Variants in CACNA1A observed in about 807,000 individuals in gnomAD.
CACNA1A encodes voltage-dependent P/Q-type calcium channel subunit alpha-1A.
In CACNA1A, 57 loss-of-function variants were observed where a neutral mutation model predicts 262.4. The ratio of observed to expected loss-of-function variants is 0.22; its 90% CI spans 0.18 to 0.27. The LOEUF is 0.27. CACNA1A is among the 10% of genes least tolerant of loss of function. CACNA1A has a pLI of 1.00. For synonymous variants in CACNA1A, 1,431 were observed against 1,419.3 expected (o/e 1.01, Z -0.18); for missense variants, 2,526 against 3,562.8 (o/e 0.71, Z 7.41).
Position 13,257,477 on chromosome 19 carries a change from A to G in CACNA1A, c.4463T>C (p.Ile1488Thr). 6.2e-7 allele frequency: 1 copy of G among 1,613,256 alleles called. No homozygotes were observed. The highest frequency in any genetic ancestry group is 8.5e-7 in the Non-Finnish European group (1 of 1,179,488). ...PSPGYRMEMSIFYVVYFVVFP... is the reference protein window; with the variant it reads ...PSPGYRMEMSTFYVVYFVVFP... Reference sequence around the variant, plus strand: ...CACCACAAAGTAGACGACGTAGAAAATGGACATCTCCATGCGGTACCCGGG... The same window carrying G: ...CACCACAAAGTAGACGACGTAGAAAGTGGACATCTCCATGCGGTACCCGGG... Residue 1488 changes from isoleucine to threonine, a missense_variant, in exon 28 of 47, where the codon ATT (isoleucine) becomes ACT (threonine). Ile to Thr is a moderately conservative substitution (Grantham distance 89). Around this residue, in one of 17 missense-constraint regions of CACNA1A, gnomAD observed 137 missense variants for 377.7 expected, o/e 0.36. Coordinates refer to ENST00000360228, the MANE Select transcript of CACNA1A (RefSeq NM_001127222.2).
At chr19:13,260,042 G>T in intron 26 of CACNA1A, 1 of 222,824 alleles carries the variant, frequency 4.5e-6, no homozygotes, top group Non-Finnish European at 9.1e-6. Flanking sequence ...TTAGGAGGAG[G>T]CAGAGAGACA....
chr19:13,455,136 C>G lies in CACNA1A; in HGVS notation c.370G>C (p.Asp124His). The G allele has an allele frequency of 6.2e-7, 1 of 1,611,888 alleles. No homozygotes were observed. Among genetic ancestry groups the G allele is most frequent in the Non-Finnish European group, 8.5e-7 (1 of 1,178,132 alleles). The change falls in exon 2 of 47, where the codon GAT becomes CAT. Residue 124 changes from aspartate (D) to histidine (H), a missense_variant. Coordinates refer to ENST00000360228, the MANE Select transcript of CACNA1A (RefSeq NM_001127222.2). ...CGTTCAGACATCGGGGTCTTGTCAT[C>G]ATCAGGCAGATGCTGCTCCAGTGCG... is the stretch of plus-strand genomic sequence containing the variant. ...VLALEQHLPD[D>H]DKTPMSERLD... is the part of the protein sequence containing the mutation.
At chr19:13,332,782 C>G in intron 9 of CACNA1A, 87 bp downstream of exon 9, 1 of 807,134 alleles carries the variant, frequency 1.2e-6, no homozygotes, top group Admixed American at 1.9e-5. Flanking sequence ...ATCCTTAGAA[C>G]CAGTCACCTG....
At chr19:13,351,117 T>C (rs1477176176) in intron 6 of CACNA1A, among the ~76,000 whole-genome samples, 1 of 152,218 alleles carries the variant, frequency 6.6e-6, no homozygotes, top group Non-Finnish European at 1.5e-5. Flanking sequence ...GGTATCTATC[T>C]GTTCCTCCGC....
intron 33 of CACNA1A, 40 bp downstream of exon 33, chr19:13,235,169 C>T (rs1600138869): frequency 6.2e-7 from 1 of 1,602,680 alleles, no homozygotes. Context: ...TGGCTGCCCT[C>T]CTTGGGAGGC....
At chr19:13,314,710 A>G (rs2058092568) in intron 11 of CACNA1A, among the ~76,000 whole-genome samples, 1 of 152,218 alleles carries the variant, frequency 6.6e-6, no homozygotes, top group Admixed American at 6.5e-5. Flanking sequence ...TTATAGCAGT[A>G]CAAATGAACT....
intron 22 of CACNA1A, among the ~76,000 whole-genome samples, chr19:13,280,356 A>AC (rs2057261050): frequency 6.7e-6 from 1 of 149,888 alleles, no homozygotes; most frequent in African/African-American, 2.5e-5. Flanking sequence ...AAAAAAAAAA[A>AC]ATTTTTTTTT....
intron 1 of CACNA1A, among the ~76,000 whole-genome samples, chr19:13,456,804 G>A (rs983776227): frequency 5.3e-5 from 8 of 152,216 alleles, no homozygotes; most frequent in Admixed American, 6.5e-5. Context: ...ATGTACATGA[G>A]GGTATTAGTG....
chr19:13,301,550 T>C (rs977191418), intron 17 of CACNA1A, among the ~76,000 whole-genome samples: 7 of 152,192 alleles, frequency 4.6e-5, no homozygotes, highest in African/African-American at 1.7e-4. Context: ...GGTGGTTAGG[T>C]TCAGAGAGGA....
At chr19:13,410,206 G>C (rs892184499) in intron 3 of CACNA1A, among the ~76,000 whole-genome samples, 12 of 151,428 alleles carry the variant, frequency 7.9e-5, no homozygotes, top group African/African-American at 2.4e-4. Flanking sequence ...ATTCCTATCA[G>C]CATAAAATCT....
chr19:13,497,105 G>A (rs1459767032), intron 1 of CACNA1A, among the ~76,000 whole-genome samples: 2 of 151,988 alleles, frequency 1.3e-5, no homozygotes, highest in African/African-American at 2.4e-5. Flanking sequence ...AATTGCCAGT[G>A]TCTAAACCAC....
intron 1 of CACNA1A, among the ~76,000 whole-genome samples, chr19:13,468,285 T>C (rs1053868539): frequency 6.6e-6 from 1 of 152,152 alleles, no homozygotes; most frequent in Non-Finnish European, 1.5e-5. Context: ...TCTTTTTTTC[T>C]AGGTCAGTAA....
chr19:13,447,202 AT>A (rs929819429), intron 3 of CACNA1A, among the ~76,000 whole-genome samples: 1 of 152,222 alleles, frequency 6.6e-6, no homozygotes, highest in Non-Finnish European at 1.5e-5. Flanking sequence ...AGAAAAAAAA[AT>A]ATACATATAC....
At chr19:13,381,024 C>T (rs2059515170) in intron 3 of CACNA1A, among the ~76,000 whole-genome samples, 1 of 152,036 alleles carries the variant, frequency 6.6e-6, no homozygotes, top group African/African-American at 2.4e-5. Flanking sequence ...AATCTGCCTG[C>T]TTTGGCCTCC....
chr19:13,242,206 A>G (rs1290643120), intron 31 of CACNA1A, among the ~76,000 whole-genome samples: 1 of 152,118 alleles, frequency 6.6e-6, no homozygotes, highest in Non-Finnish European at 1.5e-5. Context: ...AACAATAACA[A>G]CAGCAGTAAT....
chr19:13,489,884 C>T (rs1176619703), intron 1 of CACNA1A, among the ~76,000 whole-genome samples: 1 of 152,146 alleles, frequency 6.6e-6, no homozygotes, highest in African/African-American at 2.4e-5. Context: ...CTCCTGTCAC[C>T]TCCAAATGCA....
At chr19:13,275,818 G>C in intron 24 of CACNA1A, 32 bp downstream of exon 24, 1 of 1,420,184 alleles carries the variant, frequency 7.0e-7, no homozygotes, top group Non-Finnish European at 1.0e-6. Flanking sequence ...TGGGGGAAAA[G>C]AGGCAAGAGG....
At chr19:13,266,998 T>C (rs1281097160) in intron 24 of CACNA1A, among the ~76,000 whole-genome samples, 1 of 152,158 alleles carries the variant, frequency 6.6e-6, no homozygotes, top group African/African-American at 2.4e-5. Flanking sequence ...CCCTTTGGGA[T>C]GCCTCCTTCG....
rs894725509 is a variant in CACNA1A at position 13,236,898 on chromosome 19, TG to T, written c.4951-1169del. On this transcript the variant is annotated intron_variant, in intron 31 of 46. Transcript: ENST00000360228. The surrounding 1 kb of genome is among the most constrained non-coding windows in gnomAD (Gnocchi z 4.6). ...ATTGTGGGGCTTCAAGGGACCTTGG[TG>T]GGGGGGGTGGGACTCTCGAAGTCAC... is the stretch of plus-strand genomic sequence containing the variant. Among the ~76,000 whole-genome samples the T allele has an allele frequency of 1.3e-5, 2 of 151,050 alleles. No homozygotes were observed. Among genetic ancestry groups the T allele is most frequent in the Non-Finnish European group, 1.5e-5 (1 of 67,664 alleles).
Sources: allele counts gnomAD v4.1 joint callset (sites outside exome capture counted in the v4.1 genomes callset), GRCh38; gene constraint gnomAD v4.1.1; regional missense constraint gnomAD v4.1.1; non-coding constraint Gnocchi (gnomAD v3.1); transcripts MANE v1.5; gene names NCBI Gene and HGNC (gene_info 2026-07-23, HGNC 2026-07-21).